ENPP1: variants seen among roughly 807,000 people sequenced by gnomAD.
ENPP1 encodes ectonucleotide pyrophosphatase/phosphodiesterase family member 1.
A neutral mutation model predicts 122.8 loss-of-function variants in ENPP1; 73 were observed. The observed-to-expected ratio is 0.59, with a 90% CI of 0.49 to 0.72. ENPP1 has a LOEUF of 0.72. Ranked by LOEUF, ENPP1 falls within the 30% of genes least tolerant of loss-of-function variation. ENPP1 has a pLI of 0.00. For missense variants in ENPP1, 978 were observed against 1,128.1 expected (o/e 0.87, Z 1.91); for synonymous variants, 367 against 391.6 (o/e 0.94, Z 0.74).
rs1781568937 is a variant in ENPP1, at chr6:131,828,177, G to C, written c.241-19599G>C. The C allele has an allele frequency of 5.2e-6, 3 of 576,620 alleles. No individual in the cohort carries two copies. The Admixed American group carries it at 5.7e-5, about 11-fold the overall frequency. The allele number at this position is 576,620 out of a possible 1,614,324, so 35.7% of individuals were successfully genotyped here. ...ATCGGAAACTGATGTCCCGGGATTA[G>C]AGGATGTGTTTATGCTGGCTTTCAG... On this transcript the variant is annotated intron_variant, in intron 1 of 24. Coordinates refer to ENST00000647893, the MANE Select transcript of ENPP1 (RefSeq NM_006208.3).
intron 5 of ENPP1, 82 bp downstream of exon 5, chr6:131,852,317 A>G (rs1355066278): frequency 2.4e-6 from 2 of 840,596 alleles, no homozygotes; most frequent in Admixed American, 3.8e-5. Flanking sequence ...AAGATGATAA[A>G]AATAATAAAA....
intron 1 of ENPP1, among the ~76,000 whole-genome samples, chr6:131,833,040 A>T (rs899537683): frequency 6.6e-6 from 1 of 152,242 alleles, no homozygotes; most frequent in African/African-American, 2.4e-5. Flanking sequence ...CTCTGTGTGC[A>T]TATCTTTGTG....
chr6:131,827,058 T>G, intron 1 of ENPP1: 1 of 596,506 alleles, frequency 1.7e-6, no homozygotes, highest in South Asian at 1.6e-5. Context: ...AGACGGCAGC[T>G]TCACCTCCAG....
intron 1 of ENPP1, among the ~76,000 whole-genome samples, chr6:131,833,721 T>C (rs1003539839): frequency 2.6e-5 from 4 of 152,210 alleles, no homozygotes; most frequent in Non-Finnish European, 4.4e-5. Context: ...TTTTTCTCAA[T>C]AGATTGCTTT....
Position 131,847,815 on chromosome 6 carries a change from A to G in ENPP1, c.280A>G (p.Ile94Val), listed in dbSNP as rs1323516706. Reference protein sequence around the residue: ...VCVLTTILGCIFGLKPSCAKE... With the variant: ...VCVLTTILGCVFGLKPSCAKE... ...TGTGTTAACAACAATACTTGGTTGT[A>G]TATTTGGGTTGAAACCAAGCTGTGC... The change falls in exon 2 of 25, where the codon ATA (isoleucine) becomes GTA (valine). Residue 94 changes from isoleucine to valine, a missense_variant. Physicochemically the swap from Ile to Val is conservative, Grantham distance 29. This residue lies in a region of ENPP1 where 330 missense variants were observed against 328.5 expected (regional missense o/e 1.00). Transcript: ENST00000647893. The G allele has an allele frequency of 6.2e-6, 10 of 1,612,090 alleles. No homozygotes were observed. Among genetic ancestry groups the G allele is most frequent in the East Asian group, 4.5e-5 (2 of 44,850 alleles).
In ENPP1 at chr6:131,868,039, G is replaced by A; in HGVS notation, c.1186G>A (p.Val396Ile). The A allele has an allele frequency of 6.2e-7, 1 of 1,613,160 alleles. No individual in the cohort carries two copies. The highest frequency in any genetic ancestry group is 8.5e-7 in the Non-Finnish European group (1 of 1,179,452). The part of the protein sequence containing the change: ...SSEVIKALQR[V>I]DGMVGMLMDG... ...TTAGGTCATCAAAGCCTTGCAGAGG[G>A]TTGATGGTATGGTTGGTATGCTGAT... The change falls in exon 12 of 25, where the codon GTT (valine) becomes ATT (isoleucine). Residue 396 changes from valine (V) to isoleucine (I), a missense_variant. Transcript: ENST00000647893.
At chr6:131,811,512 G>A (rs1285122587) in intron 1 of ENPP1, among the ~76,000 whole-genome samples, 2 of 152,006 alleles carry the variant, frequency 1.3e-5, no homozygotes, top group Non-Finnish European at 2.9e-5. Flanking sequence ...CTGAGTAGAT[G>A]CTCCTATTAG....
chr6:131,862,825 C>G (rs919237745), intron 9 of ENPP1, among the ~76,000 whole-genome samples: 4 of 152,146 alleles, frequency 2.6e-5, no homozygotes, highest in Admixed American at 6.5e-5. Context: ...GGCCCCTAAA[C>G]TATAATTTCT....
chr6:131,855,052 A>G (rs758385512), intron 6 of ENPP1, 29 bp downstream of exon 6: 3 of 1,413,404 alleles, frequency 2.1e-6, no homozygotes, highest in African/African-American at 1.4e-5. Flanking sequence ...TACTGCTGGA[A>G]TATCACCATT....
chr6:131,828,452 A>T (rs1237552941), intron 1 of ENPP1: 4 of 274,918 alleles, frequency 1.5e-5, no homozygotes, highest in Non-Finnish European at 2.8e-5. Flanking sequence ...TAATGAAAAA[A>T]TATTAAATAA....
intron 20 of ENPP1, 121 bp downstream of exon 20, chr6:131,880,155 A>G: frequency 9.8e-7 from 1 of 1,017,580 alleles, no homozygotes; most frequent in East Asian, 2.4e-5. Context: ...TTAGAGGAAC[A>G]CTGAAGAGGG....
At chr6:131,888,226 C>T (rs1782414567) in intron 24 of ENPP1, among the ~76,000 whole-genome samples, 1 of 136,014 alleles carries the variant, frequency 7.4e-6, no homozygotes, top group Non-Finnish European at 1.5e-5. Context: ...AGAGTACTTC[C>T]TACATTTCCT....
At chr6:131,814,822 A>G (rs959302755) in intron 1 of ENPP1, among the ~76,000 whole-genome samples, 18 of 152,214 alleles carry the variant, frequency 1.2e-4, no homozygotes, top group African/African-American at 4.8e-5. Context: ...ACATGTTCTA[A>G]TAAAATACAT....
At chr6:131,823,507 C>T (rs1026247616) in intron 1 of ENPP1, among the ~76,000 whole-genome samples, 7 of 152,098 alleles carry the variant, frequency 4.6e-5, no homozygotes, top group East Asian at 1.9e-4. Flanking sequence ...CTCTGAAGCA[C>T]GCCTTCTATG....
chr6:131,885,891 C>T (rs1782372012), intron 23 of ENPP1, among the ~76,000 whole-genome samples: 1 of 152,130 alleles, frequency 6.6e-6, no homozygotes, highest in Admixed American at 6.5e-5. Context: ...CACGGCTTCA[C>T]CCAGAGCCCT....
chr6:131,847,650 G>A, intron 1 of ENPP1, 126 bp from the exon 2 acceptor site: 1 of 690,182 alleles, frequency 1.4e-6, no homozygotes, highest in South Asian at 2.0e-5. Flanking sequence ...AGGTTACAGT[G>A]AACTATGATC....
intron 1 of ENPP1, among the ~76,000 whole-genome samples, chr6:131,815,117 G>A (rs1393321303): frequency 6.6e-6 from 1 of 152,218 alleles, no homozygotes; most frequent in Non-Finnish European, 1.5e-5. Context: ...GGGAGATGGA[G>A]GAGATAGTGA....
chr6:131,868,321 C>A (rs1462771937), intron 12 of ENPP1, among the ~76,000 whole-genome samples, 195 bp downstream of exon 12: 2 of 152,078 alleles, frequency 1.3e-5, no homozygotes, highest in Admixed American at 6.5e-5. Flanking sequence ...ACCTAAGTGC[C>A]TATCAAGCAC....
rs1244622141 is a variant in ENPP1 at position 131,893,545 on chromosome 6, T to C, written c.*3034T>C. 3 of 152,374 alleles carry C rather than the reference T, an allele frequency of 2.0e-5. No homozygotes were observed. The highest frequency in any genetic ancestry group is 1.9e-4 in the East Asian group (1 of 5,194). 9.4% of individuals were successfully genotyped at this position (152,374 alleles called of 1,614,324 possible). On this transcript the variant is annotated 3_prime_UTR_variant, in exon 25 of 25. Coordinates refer to ENST00000647893, the MANE Select transcript of ENPP1 (RefSeq NM_006208.3). ...ACATTTTCCCATTTACAGCTACTTA[T>C]ATTTTCTACAAGTGTCACTGTGACC... is the stretch of plus-strand genomic sequence containing the variant.
Sources: gnomAD v4.1 joint callset for allele counts (sites outside exome capture counted in the v4.1 genomes callset) on GRCh38, gnomAD v4.1.1 for gene constraint, gnomAD v4.1.1 regional missense constraint, MANE v1.5 for transcripts, NCBI Gene and HGNC (gene_info 2026-07-23, HGNC 2026-07-21) for gene names.